Variants in LRP6 observed in about 807,000 individuals in gnomAD.
LRP6 encodes the protein low-density lipoprotein receptor-related protein 6.
LRP6 carries 43 observed loss-of-function variants against 184.1 expected under a neutral mutation model. That is an observed-to-expected ratio of 0.23 (90% CI 0.18 to 0.30). The LOEUF is 0.30. Ranked by LOEUF, LRP6 falls within the 10% of genes least tolerant of loss-of-function variation. The pLI is 1.00. For missense variants in LRP6, 1,571 were observed against 2,005.3 expected (o/e 0.78, Z 4.14); for synonymous variants, 719 against 684.9 (o/e 1.05, Z -0.78).
chr12:12,196,959 TTTTCA>T (rs1463389098), intron 3 of LRP6, among the ~76,000 whole-genome samples: 19 of 152,178 alleles, frequency 1.2e-4, no homozygotes, highest in African/African-American at 3.9e-4. Flanking sequence ...TGCCATTTCT[TTTTCA>T]TTTATCAATT....
At chr12:12,142,220 T>C (rs962648841) in intron 15 of LRP6, among the ~76,000 whole-genome samples, 1 of 152,184 alleles carries the variant, frequency 6.6e-6, no homozygotes, top group Non-Finnish European at 1.5e-5. Context: ...TGTATTACTT[T>C]AATGAAAATT....
chr12:12,260,316 T>C (rs1009573949), intron 1 of LRP6, among the ~76,000 whole-genome samples: 5 of 150,802 alleles, frequency 3.3e-5, no homozygotes, highest in Non-Finnish European at 5.9e-5. Context: ...GGGCGGAGCT[T>C]GCAGTGAGCC....
In LRP6 at chr12:12,236,099, T is replaced by C. The variant is rs549247485; in HGVS notation, c.449+8163A>G. Among the ~76,000 whole-genome samples, 140 of 151,848 alleles carry C rather than the reference T, an allele frequency of 9.2e-4. 1 individual carries two copies. The Middle Eastern group carries it at 0.034, about 37-fold the overall frequency. On this transcript the variant is annotated intron_variant, in intron 2 of 22. Transcript: ENST00000261349. The stretch of plus-strand genomic sequence containing the variant: ...AGAATTAGCCAGGCGTGGTGGCGGG[T>C]GCCTGTAGTCCCAGTCACTCGGGAG...
intron 2 of LRP6, among the ~76,000 whole-genome samples, chr12:12,227,068 G>A (rs977300280): frequency 6.6e-6 from 1 of 152,078 alleles, no homozygotes; most frequent in Admixed American, 6.5e-5. Flanking sequence ...ACTTGTAGAA[G>A]AGCAGGATTA....
intron 16 of LRP6, among the ~76,000 whole-genome samples, chr12:12,135,877 C>T (rs1949831268): frequency 6.6e-6 from 1 of 152,020 alleles, no homozygotes; most frequent in Non-Finnish European, 1.5e-5. Context: ...GAAATGTTTA[C>T]TGAAACTAAA....
intron 3 of LRP6, among the ~76,000 whole-genome samples, chr12:12,192,582 T>C (rs1012602215): frequency 1.3e-5 from 2 of 151,990 alleles, no homozygotes; most frequent in African/African-American, 4.8e-5. Flanking sequence ...CAGTAGACAG[T>C]AACCATAAGA....
chr12:12,236,723 G>A (rs1378754138), intron 2 of LRP6, among the ~76,000 whole-genome samples: 1 of 152,110 alleles, frequency 6.6e-6, no homozygotes, highest in Non-Finnish European at 1.5e-5. Context: ...AGAACTCCGG[G>A]AAACACTTTA....
intron 15 of LRP6, among the ~76,000 whole-genome samples, chr12:12,146,644 G>A (rs1382787271): frequency 6.6e-6 from 1 of 152,206 alleles, no homozygotes; most frequent in Non-Finnish European, 1.5e-5. Flanking sequence ...CAACTTAAGA[G>A]TACAACTAGA....
intron 22 of LRP6, 103 bp downstream of exon 22, chr12:12,124,462 C>G: frequency 1.2e-6 from 1 of 804,468 alleles, no homozygotes. Context: ...TGACTAGTCT[C>G]TCTCTGGTGA....
chr12:12,169,952 A>ACAGCACTGT lies in LRP6; in HGVS notation c.1546-4666_1546-4658dup, dbSNP rs545215531. 5.0e-3 allele frequency among the ~76,000 whole-genome samples: 762 copies of ACAGCACTGT among 152,234 alleles called. 7 individuals carry two copies. Among genetic ancestry groups the ACAGCACTGT allele is most frequent in the African/African-American group, 0.017 (712 of 41,528 alleles). On this transcript the variant is annotated intron_variant, in intron 7 of 22. Transcript: ENST00000261349. ...TTTTTACAATAGGTTTGGATCTAAA[A>ACAGCACTGT]CAGCACTGTCCAGGAGAAATATAAC...
intron 4 of LRP6, chr12:12,186,677 G>C: frequency 7.3e-6 from 1 of 137,204 alleles, no homozygotes; most frequent in South Asian, 1.1e-4. Flanking sequence ...TTTTTTTTTT[G>C]AGACACAGTC....
chr12:12,128,897 G>A (rs942264430), intron 19 of LRP6, among the ~76,000 whole-genome samples: 2 of 152,032 alleles, frequency 1.3e-5, no homozygotes, highest in Non-Finnish European at 2.9e-5. Flanking sequence ...AAACAACTCC[G>A]AAATCTGTTC....
At chr12:12,231,583 T>C (rs1864789540) in intron 2 of LRP6, among the ~76,000 whole-genome samples, 3 of 151,994 alleles carry the variant, frequency 2.0e-5, no homozygotes, top group Admixed American at 2.0e-4. Context: ...AATAAGGCAA[T>C]GATAACATTT....
intron 1 of LRP6, among the ~76,000 whole-genome samples, chr12:12,266,356 A>C (rs1467802969): frequency 6.6e-6 from 1 of 152,162 alleles, no homozygotes; most frequent in Non-Finnish European, 1.5e-5. Flanking sequence ...TTTTCCCTGG[A>C]AGACCCCAGG....
chr12:12,176,581 T>C (rs903994034), intron 7 of LRP6, among the ~76,000 whole-genome samples: 1 of 152,112 alleles, frequency 6.6e-6, no homozygotes, highest in Non-Finnish European at 1.5e-5. Context: ...GAATTCCCCA[T>C]TCCTTCTCCC....
chr12:12,138,979 G>A (rs774554214), intron 15 of LRP6: 81 of 1,350,160 alleles, frequency 6.0e-5, no homozygotes, highest in Non-Finnish European at 7.8e-5. Flanking sequence ...CTCACCCCAA[G>A]GTAAGAATTA....
Position 12,267,027 on chromosome 12 carries a change from G to GCAGCGGCGCAGGGATACGGT in LRP6, c.-293_-292insACCGTATCCCTGCGCCGCTG. On this transcript the variant is annotated 5_prime_UTR_variant, in exon 1 of 23. Transcript: ENST00000261349. ...GCTCCTCATTCAGCCTCTGCCTCGC[G>GCAGCGGCGCAGGGATACGGT]CAGCGGCGCAGGGATACGGTCGGCA... 4.2e-6 allele frequency: 2 copies of GCAGCGGCGCAGGGATACGGT among 471,672 alleles called. No individual in the cohort carries two copies. Among genetic ancestry groups the GCAGCGGCGCAGGGATACGGT allele is most frequent in the South Asian group, 5.5e-5 (2 of 36,386 alleles). The allele number at this position is 471,672 out of a possible 1,614,324, so 29.2% of individuals were successfully genotyped here.
At chr12:12,191,546 G>C (rs936903156) in intron 3 of LRP6, among the ~76,000 whole-genome samples, 1 of 152,032 alleles carries the variant, frequency 6.6e-6, no homozygotes, top group Non-Finnish European at 1.5e-5. Context: ...CCATTAATAA[G>C]TTAATATTAA....
rs2135956649 is a variant in LRP6 at position 12,267,022 on chromosome 12, C to T, written c.-287G>A. On this transcript the variant is annotated 5_prime_UTR_variant, in exon 1 of 23. Transcript: ENST00000261349. ...GCGCAGCTCCTCATTCAGCCTCTGC[C>T]TCGCGCAGCGGCGCAGGGATACGGT... The T allele has an allele frequency of 2.1e-6, 1 of 478,922 alleles. No homozygotes were observed. The highest frequency in any genetic ancestry group is 2.1e-5 in the African/African-American group (1 of 47,914). 29.7% of individuals were successfully genotyped at this position (478,922 alleles called of 1,614,324 possible). A position where few individuals can be genotyped will look rare whatever the true frequency, so the allele number is the denominator to read the frequency against.
Sources: allele counts gnomAD v4.1 joint callset (sites outside exome capture counted in the v4.1 genomes callset), GRCh38; gene constraint gnomAD v4.1.1; transcripts MANE v1.5; gene names NCBI Gene and HGNC (gene_info 2026-07-23, HGNC 2026-07-21).